Variants in NRXN3 observed in about 807,000 individuals in gnomAD.
NRXN3 encodes neurexin III.
NRXN3 carries 32 observed loss-of-function variants against 137.6 expected under a neutral mutation model. The observed-to-expected ratio is 0.23, with a 90% CI of 0.18 to 0.31. The LOEUF (loss-of-function observed/expected upper bound fraction) is 0.31. Ranked by LOEUF, NRXN3 falls within the 10% of genes least tolerant of loss-of-function variation. The pLI is 1.00. For missense variants in NRXN3, 1,574 were observed against 2,062.5 expected (o/e 0.76, Z 4.59); for synonymous variants, 798 against 784.5 (o/e 1.02, Z -0.29).
chr14:78,753,437 G>A (rs558709611), intron 8 of NRXN3, among the ~76,000 whole-genome samples: 3 of 152,292 alleles, frequency 2.0e-5, no homozygotes, highest in Non-Finnish European at 2.9e-5. Context: ...GCTTAAGCTG[G>A]TGTCACCTTT....
intron 15 of NRXN3, among the ~76,000 whole-genome samples, chr14:79,342,686 A>G (rs1238995131): frequency 6.6e-6 from 1 of 152,148 alleles, no homozygotes; most frequent in Non-Finnish European, 1.5e-5. Context: ...CTGTAACTGT[A>G]TTAGTTAGGA....
rs192080986 is a variant in NRXN3 at position 79,398,801 on chromosome 14, G to A, written c.3263-68420G>A. On this transcript the variant is annotated intron_variant, in intron 15 of 20. Coordinates refer to ENST00000335750, the MANE Select transcript of NRXN3 (RefSeq NM_001330195.2). ...AAGTCAGGCAGATCACCTGAGGTCA[G>A]GAGTTCAAGACCAGCCTGGCCAAAA... Among the ~76,000 whole-genome samples, 84 of 152,082 alleles carry A rather than the reference G, an allele frequency of 5.5e-4. 1 individual carries two copies. Among genetic ancestry groups the A allele is most frequent in the African/African-American group, 2.0e-3 (81 of 41,492 alleles).
intron 19 of NRXN3, among the ~76,000 whole-genome samples, chr14:79,778,507 A>G (rs780181714): frequency 5.9e-5 from 9 of 152,206 alleles, no homozygotes; most frequent in Non-Finnish European, 1.0e-4. Context: ...GCAGCAGACT[A>G]TCAGGGAATA....
chr14:78,224,610 A>C (rs1379687176), intron 1 of NRXN3, among the ~76,000 whole-genome samples: 1 of 152,020 alleles, frequency 6.6e-6, no homozygotes, highest in Non-Finnish European at 1.5e-5. Flanking sequence ...TGAACTCATC[A>C]TTTTTTATGG....
chr14:78,914,138 A>G (rs942843394), intron 10 of NRXN3, among the ~76,000 whole-genome samples: 5 of 152,102 alleles, frequency 3.3e-5, no homozygotes, highest in Non-Finnish European at 7.3e-5. Context: ...TCTACTTACT[A>G]CCAGGTCTCC....
intron 14 of NRXN3, among the ~76,000 whole-genome samples, chr14:78,970,546 T>A (rs1196016708): frequency 6.6e-6 from 1 of 152,068 alleles, no homozygotes; most frequent in Non-Finnish European, 1.5e-5. Context: ...ATACAAAAAT[T>A]AAGGTGTAAA....
intron 16 of NRXN3, among the ~76,000 whole-genome samples, chr14:79,648,796 T>G (rs1354298279): frequency 6.6e-6 from 1 of 152,106 alleles, no homozygotes; most frequent in Admixed American, 6.6e-5. Flanking sequence ...TTTCTCTGGA[T>G]AGATCTGGTA....
chr14:79,107,918 TAGTC>T (rs2052741670), intron 15 of NRXN3, among the ~76,000 whole-genome samples: 3 of 152,290 alleles, frequency 2.0e-5, no homozygotes, highest in South Asian at 4.1e-4. Flanking sequence ...TATTTTATTT[TAGTC>T]AGGACCAATA....
At chr14:79,397,718 G>A (rs573319495) in intron 15 of NRXN3, among the ~76,000 whole-genome samples, 1 of 152,204 alleles carries the variant, frequency 6.6e-6, no homozygotes, top group South Asian at 2.1e-4. Context: ...TCCAGAGATG[G>A]GCAAGGAAAG....
intron 15 of NRXN3, among the ~76,000 whole-genome samples, chr14:79,266,725 G>A (rs543714907): frequency 1.5e-3 from 223 of 152,260 alleles, no homozygotes; most frequent in Admixed American, 3.9e-3. Flanking sequence ...AGCAACTTCT[G>A]AGATTAAGAG....
At chr14:78,259,274 A>G (rs2070280991) in intron 2 of NRXN3, among the ~76,000 whole-genome samples, 1 of 152,248 alleles carries the variant, frequency 6.6e-6, no homozygotes, top group Admixed American at 6.5e-5. Context: ...AGGTCCCATA[A>G]GAGCAAGAAC....
intron 10 of NRXN3, among the ~76,000 whole-genome samples, chr14:78,905,796 G>A (rs992660922): frequency 3.3e-5 from 5 of 152,008 alleles, no homozygotes; most frequent in East Asian, 1.9e-4. Flanking sequence ...ATAATCTGTC[G>A]AGTTTCTAGA....
intron 15 of NRXN3, among the ~76,000 whole-genome samples, chr14:79,375,343 A>C (rs35993073): frequency 0.46 from 67,481 of 146,406 alleles, 15,691 homozygotes; most frequent in Middle Eastern, 0.6. Flanking sequence ...GAATAAATGG[A>C]CTTTAAATGA....
At chr14:78,456,859 CTCTTTCTTTCTT>C (rs199940490) in intron 4 of NRXN3, among the ~76,000 whole-genome samples, 1 of 81,232 alleles carries the variant, frequency 1.2e-5, no homozygotes, top group Non-Finnish European at 2.4e-5. Context: ...CTTTCTTTTT[CTCTTTCTTTCTT>C]TCTTTCTTTC....
At chr14:78,973,861 A>G (rs1026810653) in intron 14 of NRXN3, among the ~76,000 whole-genome samples, 3 of 152,194 alleles carry the variant, frequency 2.0e-5, no homozygotes, top group African/African-American at 7.2e-5. Flanking sequence ...AGGCAAAGGT[A>G]ACGTTCAAAA....
chr14:78,370,979 A>C (rs1348331525), intron 4 of NRXN3, among the ~76,000 whole-genome samples: 1 of 152,210 alleles, frequency 6.6e-6, no homozygotes, highest in Non-Finnish European at 1.5e-5. Flanking sequence ...CTGATTTTCC[A>C]AGAGCTTATA....
rs541176151 is a variant in NRXN3, at chr14:78,783,245, G to A, written c.2045-20375G>A. ...CCCCTTGATAGAATGCACTGAAAAGGACACAATATCATTTTTATGGTGTTC... is the reference window on the plus strand; with the variant it reads ...CCCCTTGATAGAATGCACTGAAAAGAACACAATATCATTTTTATGGTGTTC... On this transcript the variant is annotated intron_variant, in intron 8 of 20. Transcript: ENST00000335750. Among the ~76,000 whole-genome samples, 4 of 152,214 alleles carry A rather than the reference G, an allele frequency of 2.6e-5. No homozygotes were observed. The South Asian group carries it at 8.3e-4, about 32-fold the overall frequency.
chr14:78,264,883 C>G (rs890676378), intron 2 of NRXN3, among the ~76,000 whole-genome samples: 1 of 152,180 alleles, frequency 6.6e-6, no homozygotes, highest in African/African-American at 2.4e-5. Context: ...GGGCTTCCCT[C>G]TCTCGTCTTT....
chr14:78,804,684 A>G (rs1377072184), intron 9 of NRXN3, among the ~76,000 whole-genome samples: 1 of 152,168 alleles, frequency 6.6e-6, no homozygotes, highest in Non-Finnish European at 1.5e-5. Flanking sequence ...TTTCCTTTAT[A>G]TGGCCTCATA....
Sources: gnomAD v4.1 joint callset for allele counts (sites outside exome capture counted in the v4.1 genomes callset) on GRCh38, gnomAD v4.1.1 for gene constraint, MANE v1.5 for transcripts, NCBI Gene and HGNC (gene_info 2026-07-23, HGNC 2026-07-21) for gene names.